Variants in PDE3A observed in about 807,000 individuals in gnomAD.
PDE3A encodes the protein cGMP-inhibited 3',5'-cyclic phosphodiesterase 3A.
In PDE3A, 43 loss-of-function variants were observed where a neutral mutation model predicts 98.3. That is an observed-to-expected ratio of 0.44 (90% CI 0.34 to 0.56). The LOEUF is 0.56. Ranked by LOEUF, PDE3A falls within the 20% of genes least tolerant of loss-of-function variation. The probability of loss-of-function intolerance (pLI) is 0.01; values close to 1 mark genes in which losing one functional copy is unlikely to be tolerated. For missense variants in PDE3A, 1,427 were observed against 1,440.7 expected (o/e 0.99, Z 0.15); for synonymous variants, 663 against 567.9 (o/e 1.17, Z -2.38).
intron 1 of PDE3A, among the ~76,000 whole-genome samples, chr12:20,429,949 GA>G (rs1203209151): frequency 6.6e-6 from 1 of 151,936 alleles, no homozygotes; most frequent in East Asian, 1.9e-4. Context: ...CTTGAACTCT[GA>G]AATGCCCCTA....
At chr12:20,587,506 T>G (rs1215782495) in intron 2 of PDE3A, among the ~76,000 whole-genome samples, 1 of 152,256 alleles carries the variant, frequency 6.6e-6, no homozygotes, top group Admixed American at 6.5e-5. Flanking sequence ...AGAATTTTAC[T>G]ATTTCTTTGA....
At chr12:20,508,720 T>C (rs1383298804) in intron 1 of PDE3A, among the ~76,000 whole-genome samples, 1 of 151,974 alleles carries the variant, frequency 6.6e-6, no homozygotes, top group Admixed American at 6.6e-5. Flanking sequence ...TCGATTCCTA[T>C]TTTTGCCACA....
chr12:20,636,501 T>C (rs973261111), intron 8 of PDE3A, among the ~76,000 whole-genome samples: 7 of 152,180 alleles, frequency 4.6e-5, no homozygotes, highest in African/African-American at 1.4e-4. Context: ...TTTTACGTAG[T>C]ACATGTTTCT....
At chr12:20,608,098 C>T (rs1463147760) in intron 2 of PDE3A, among the ~76,000 whole-genome samples, 1 of 152,094 alleles carries the variant, frequency 6.6e-6, no homozygotes, top group African/African-American at 2.4e-5. Context: ...TAGGGACATC[C>T]TAGACATACC....
chr12:20,375,135 G>A (rs1226571425), intron 1 of PDE3A, among the ~76,000 whole-genome samples: 4 of 151,774 alleles, frequency 2.6e-5, no homozygotes, highest in Non-Finnish European at 5.9e-5. Flanking sequence ...AAAATATTAT[G>A]CTTATATTCT....
chr12:20,644,526 T>C (rs1241487529), intron 10 of PDE3A, among the ~76,000 whole-genome samples: 2 of 152,172 alleles, frequency 1.3e-5, no homozygotes, highest in Non-Finnish European at 2.9e-5. Flanking sequence ...GATAATATTA[T>C]AGCAGAGGTA....
At chr12:20,400,417 T>TGAGATGGAG (rs1944106773) in intron 1 of PDE3A, among the ~76,000 whole-genome samples, 1 of 57,192 alleles carries the variant, frequency 1.7e-5, no homozygotes, top group Non-Finnish European at 3.5e-5. Flanking sequence ...TTTTTTTTTT[T>TGAGATGGAG]TTTTTTTGAG....
At chr12:20,541,450 G>A (rs939838341) in intron 1 of PDE3A, among the ~76,000 whole-genome samples, 10 of 151,642 alleles carry the variant, frequency 6.6e-5, no homozygotes, top group Non-Finnish European at 1.0e-4. Context: ...ACAGTACATC[G>A]CATTTGCTTG....
At chr12:20,542,397 T>A (rs1034574937) in intron 1 of PDE3A, among the ~76,000 whole-genome samples, 2 of 151,650 alleles carry the variant, frequency 1.3e-5, no homozygotes, top group East Asian at 3.9e-4. Context: ...GTAGAGAATA[T>A]TCCTTTGAGT....
At chr12:20,427,613 A>G (rs1304996975) in intron 1 of PDE3A, among the ~76,000 whole-genome samples, 1 of 152,170 alleles carries the variant, frequency 6.6e-6, no homozygotes, top group African/African-American at 2.4e-5. Flanking sequence ...AGCAGTTTGT[A>G]TAACTGATTT....
At chr12:20,544,508 A>G (rs1942001496) in intron 1 of PDE3A, among the ~76,000 whole-genome samples, 1 of 151,934 alleles carries the variant, frequency 6.6e-6, no homozygotes, top group African/African-American at 2.4e-5. Flanking sequence ...CATATTAACT[A>G]TAACCATGAG....
intron 1 of PDE3A, among the ~76,000 whole-genome samples, chr12:20,543,237 G>GAGTA (rs1056324769): frequency 2.1e-4 from 31 of 146,676 alleles, no homozygotes; most frequent in African/African-American, 7.6e-4. Context: ...GGAATTTTTG[G>GAGTA]AGTAAGTTTA....
At chr12:20,645,804 A>G (rs1469759059) in intron 10 of PDE3A, among the ~76,000 whole-genome samples, 2 of 152,222 alleles carry the variant, frequency 1.3e-5, no homozygotes, top group Non-Finnish European at 2.9e-5. Context: ...TGATGGCATT[A>G]TCTGGTTTTC....
intron 2 of PDE3A, among the ~76,000 whole-genome samples, chr12:20,576,765 A>T (rs1336186444): frequency 2.0e-5 from 3 of 152,148 alleles, no homozygotes; most frequent in Non-Finnish European, 4.4e-5. Flanking sequence ...ATTGATAATG[A>T]GAATGTTATT....
At chr12:20,506,406 C>T (rs542217409) in intron 1 of PDE3A, among the ~76,000 whole-genome samples, 1 of 151,990 alleles carries the variant, frequency 6.6e-6, no homozygotes, top group Admixed American at 6.6e-5. Context: ...CATCTGTCCC[C>T]CACAAACAGA....
At chr12:20,676,778 C>T (rs1392394077) in intron 15 of PDE3A, among the ~76,000 whole-genome samples, 1 of 152,130 alleles carries the variant, frequency 6.6e-6, no homozygotes, top group Admixed American at 6.5e-5. Context: ...GGATTACAGG[C>T]GTGAGCCACC....
intron 1 of PDE3A, among the ~76,000 whole-genome samples, chr12:20,385,868 A>G (rs1263105740): frequency 1.4e-5 from 2 of 147,170 alleles, no homozygotes; most frequent in Non-Finnish European, 3.0e-5. Context: ...CAGCACACCA[A>G]CATGGCACAT....
intron 1 of PDE3A, among the ~76,000 whole-genome samples, chr12:20,443,067 G>A (rs1165239053): frequency 7.5e-6 from 1 of 133,290 alleles, no homozygotes; most frequent in Non-Finnish European, 1.7e-5. Context: ...AAATGCTCCT[G>A]TATAGGTGTA....
At chr12:20,452,107 A>T (rs1201704048) in intron 1 of PDE3A, among the ~76,000 whole-genome samples, 1 of 152,196 alleles carries the variant, frequency 6.6e-6, no homozygotes. Flanking sequence ...TCACAAAGGG[A>T]GTACTTAATC....
Sources: gnomAD v4.1 joint callset for allele counts (sites outside exome capture counted in the v4.1 genomes callset) on GRCh38, gnomAD v4.1.1 for gene constraint, MANE v1.5 for transcripts, NCBI Gene and HGNC (gene_info 2026-07-23, HGNC 2026-07-21) for gene names.